The following MATCAP1 variants were observed in gnomAD, a reference collection of about 807,000 sequenced individuals.
The protein encoded by MATCAP1 is microtubule associated tyrosine carboxypeptidase 1, also known as microtubule-associated tyrosine carboxypeptidase 1.
chr16:67,183,916 A>AG, the MATCAP1 span: 1 of 198,704 alleles, frequency 5.0e-6, no homozygotes, highest in Non-Finnish European at 1.0e-5. Context: ...GCTCTGCTAC[A>AG]CCGGCCACCG....
chr16:67,177,648 C>T, the MATCAP1 span, among the ~76,000 whole-genome samples: 1 of 152,170 alleles, frequency 6.6e-6, no homozygotes, highest in African/African-American at 2.4e-5. Flanking sequence ...CTTAAAGCTC[C>T]TCTCACTCCC....
At chr16:67,179,908 GT>G in the MATCAP1 span, 2 of 1,614,244 alleles carry the variant, frequency 1.2e-6, no homozygotes, top group Non-Finnish European at 1.7e-6. This position sits in a 1 kb window ranked among gnomAD's most constrained non-coding sequence, Gnocchi z 5.2. Context: ...CAGCCTCAAA[GT>G]GTTCATAGGT....
the MATCAP1 span, chr16:67,178,223 C>A: frequency 4.5e-6 from 7 of 1,542,662 alleles, no homozygotes; most frequent in African/African-American, 1.4e-5. Flanking sequence ...TCGGTCTGGC[C>A]GCGCTTGGCG....
At chr16:67,178,945 G>C in the MATCAP1 span, 1 of 418,346 alleles carries the variant, frequency 2.4e-6, no homozygotes, top group African/African-American at 2.1e-5. Flanking sequence ...CGAGGAAGAG[G>C]GACAGACAGA....
At chr16:67,179,066 A>G in the MATCAP1 span, 1 of 1,156,406 alleles carries the variant, frequency 8.6e-7, no homozygotes, top group Non-Finnish European at 1.1e-6. This position sits in a 1 kb window ranked among gnomAD's most constrained non-coding sequence, Gnocchi z 5.2. Flanking sequence ...CTGGCCTTCC[A>G]TCCACCCTGG....
chr16:67,183,880 T>G, the MATCAP1 span: 1 of 179,328 alleles, frequency 5.6e-6, no homozygotes, highest in East Asian at 1.9e-4. Context: ...ACCTGTTAGC[T>G]CCTCTGCTCG....
At chr16:67,178,494 G>T in the MATCAP1 span, 1 of 1,527,502 alleles carries the variant, frequency 6.5e-7, no homozygotes, top group Non-Finnish European at 8.8e-7. Flanking sequence ...CGCCCCGCAG[G>T]TAGTGGGTGC....
At chr16:67,178,050 C>T in the MATCAP1 span, 3 of 1,614,208 alleles carry the variant, frequency 1.9e-6, no homozygotes, top group Non-Finnish European at 2.5e-6. Flanking sequence ...GATGGTCTGG[C>T]GATGTCGCAG....
the MATCAP1 span, among the ~76,000 whole-genome samples, chr16:67,177,535 C>A: frequency 6.6e-6 from 1 of 152,232 alleles, no homozygotes; most frequent in Admixed American, 6.5e-5. Context: ...GGCAAGGCCT[C>A]CTCCGTGCCC....
the MATCAP1 span, chr16:67,178,312 C>A: frequency 6.3e-6 from 10 of 1,581,642 alleles, no homozygotes; most frequent in East Asian, 1.2e-4. Context: ...GAAGGACATG[C>A]GCGCGGCGCG....
chr16:67,177,984 A>T, the MATCAP1 span: 7 of 1,586,296 alleles, frequency 4.4e-6, no homozygotes, highest in African/African-American at 8.1e-5. Context: ...GCTGGCTGGG[A>T]CCTCTGAAGG....
At chr16:67,180,082 G>A in the MATCAP1 span, 9 of 1,614,226 alleles carry the variant, frequency 5.6e-6, no homozygotes, top group South Asian at 8.8e-5. Flanking sequence ...TACTTTTCCA[G>A]CACAGCCGTG....
the MATCAP1 span, chr16:67,178,346 C>T: frequency 6.3e-7 from 1 of 1,575,546 alleles, no homozygotes. Context: ...TAGAGCAGTG[C>T]AGCGCGCCAC....
the MATCAP1 span, chr16:67,180,555 G>A: frequency 4.6e-6 from 7 of 1,531,648 alleles, no homozygotes; most frequent in Non-Finnish European, 6.1e-6. Context: ...TGGGGGACTG[G>A]TAGGCGGGCT....
chr16:67,181,576 C>T, the MATCAP1 span: 1 of 152,330 alleles, frequency 6.6e-6, no homozygotes, highest in Non-Finnish European at 1.5e-5. Context: ...GCTCCAGCTG[C>T]TGAGCTCCCT....
chr16:67,178,406 C>G, the MATCAP1 span: 3 of 1,545,722 alleles, frequency 1.9e-6, no homozygotes, highest in Non-Finnish European at 2.6e-6. Context: ...GCCAGGCCCT[C>G]CTCCGTGGGG....
the MATCAP1 span, chr16:67,179,849 C>T: frequency 1.9e-6 from 3 of 1,614,242 alleles, no homozygotes; most frequent in Middle Eastern, 1.6e-4. This position sits in a 1 kb window ranked among gnomAD's most constrained non-coding sequence, Gnocchi z 5.2. Flanking sequence ...CATGTATTTG[C>T]GCACAATCGA....
the MATCAP1 span, chr16:67,178,620 C>T: frequency 6.5e-6 from 6 of 929,492 alleles, no homozygotes; most frequent in East Asian, 1.0e-4. Flanking sequence ...CTTCCATCCT[C>T]ATGCTCCTGA....
the MATCAP1 span, chr16:67,178,610 C>T: frequency 8.1e-6 from 8 of 986,248 alleles, no homozygotes; most frequent in African/African-American, 1.3e-4. Flanking sequence ...GGCCGCGACA[C>T]TTCCATCCTC....
Sources: allele counts gnomAD v4.1 joint callset (sites outside exome capture counted in the v4.1 genomes callset), GRCh38; gene constraint gnomAD v4.1.1; non-coding constraint Gnocchi (gnomAD v3.1); transcripts MANE v1.5; gene names NCBI Gene and HGNC (gene_info 2026-07-23, HGNC 2026-07-21).